PCDHGC5: variants seen among roughly 807,000 people sequenced by gnomAD.
PCDHGC5 encodes the protein protocadherin gamma-C5.
A neutral mutation model predicts 59.0 loss-of-function variants in PCDHGC5; 25 were observed. That is an observed-to-expected ratio of 0.42 (90% CI 0.31 to 0.59). The LOEUF (loss-of-function observed/expected upper bound fraction) is 0.59. Among genes scored for constraint, PCDHGC5 ranks in the 20% least tolerant of loss-of-function variants. The pLI is 0.13. For synonymous variants in PCDHGC5, 434 were observed against 505.5 expected (o/e 0.86, Z 1.90); for missense variants, 1,067 against 1,206.4 (o/e 0.88, Z 1.71).
intron 2 of PCDHGC5, among the ~76,000 whole-genome samples, chr5:141,501,279 A>T (rs1180397181): frequency 3.0e-5 from 4 of 135,444 alleles, no homozygotes. Context: ...AGTCTATGGG[A>T]TATTCCCTTA....
At chr5:141,510,402 G>A (rs2099880998) in intron 3 of PCDHGC5, among the ~76,000 whole-genome samples, 1 of 152,008 alleles carries the variant, frequency 6.6e-6, no homozygotes, top group African/African-American at 2.4e-5. Flanking sequence ...GCAAAGGCTA[G>A]GGGCATGTAA....
intron 2 of PCDHGC5, 105 bp downstream of exon 2, chr5:141,494,970 C>T (rs1352514628): frequency 1.9e-6 from 3 of 1,584,974 alleles, no homozygotes; most frequent in East Asian, 4.6e-5. Context: ...GATGGCTTCT[C>T]CCTCAGTTTG....
At position 141,493,356 on chromosome 5, in the gene PCDHGC5, C is replaced by A. The variant is rs1303319550; in HGVS notation, c.2461-1451C>A. Among the ~76,000 whole-genome samples, 1 of 152,182 alleles carries A rather than the reference C, an allele frequency of 6.6e-6. No individual in the cohort carries two copies. The highest frequency in any genetic ancestry group is 2.4e-5 in the African/African-American group (1 of 41,438). On this transcript the variant is annotated intron_variant, in intron 1 of 3. Transcript: ENST00000252087. This position sits in a 1 kb window ranked among gnomAD's most constrained non-coding sequence, Gnocchi z 4.3. ...ACTCCAGAATGTGTGCTTTTAATTT[C>A]TTGGCACTTGGAACTTTAAAAGCTT...
In PCDHGC5 at chr5:141,490,601, T is replaced by C. The variant is rs777393370; in HGVS notation, c.1361T>C (p.Phe454Ser). 1 of 1,614,176 alleles carries C rather than the reference T, an allele frequency of 6.2e-7. No homozygotes were observed. The highest frequency in any genetic ancestry group is 8.5e-7 in the Non-Finnish European group (1 of 1,180,030). ...GATGTCAATGACAATGCACCCCGCTTCAACCAGCAGCTTTACACTGCTTAC... is the reference window on the plus strand; with the variant it reads ...GATGTCAATGACAATGCACCCCGCTCCAACCAGCAGCTTTACACTGCTTAC... ...ISDVNDNAPR[F>S]NQQLYTAYIL... is the part of the protein sequence containing the mutation. The change falls in exon 1 of 4, where the codon TTC (phenylalanine) becomes TCC (serine). Residue 454 changes from phenylalanine to serine, a missense_variant. Phe to Ser is a radical substitution (Grantham distance 155). Transcript: ENST00000252087. This position sits in a 1 kb window ranked among gnomAD's most constrained non-coding sequence, Gnocchi z 5.4.
intron 2 of PCDHGC5, among the ~76,000 whole-genome samples, chr5:141,502,705 T>C (rs1475675789): frequency 6.6e-6 from 1 of 152,248 alleles, no homozygotes; most frequent in African/African-American, 2.4e-5. Context: ...TATCTGTTTT[T>C]ACATCAGTGA....
intron 2 of PCDHGC5, among the ~76,000 whole-genome samples, chr5:141,498,068 A>G (rs765582921): frequency 6.6e-6 from 1 of 152,244 alleles, no homozygotes; most frequent in Non-Finnish European, 1.5e-5. Context: ...TGAAACTGTC[A>G]TAAGTGCTAG....
chr5:141,499,888 A>G (rs574246186), intron 2 of PCDHGC5, among the ~76,000 whole-genome samples: 105 of 152,174 alleles, frequency 6.9e-4, no homozygotes, highest in African/African-American at 2.4e-3. Flanking sequence ...GGGTTTCGCC[A>G]TGTTGGCCAG....
At chr5:141,496,844 T>G (rs1275272674) in intron 2 of PCDHGC5, among the ~76,000 whole-genome samples, 2 of 150,852 alleles carry the variant, frequency 1.3e-5, no homozygotes, top group Non-Finnish European at 2.9e-5. Context: ...CTCATAGGCT[T>G]CCAGACCAGC....
intron 2 of PCDHGC5, among the ~76,000 whole-genome samples, chr5:141,500,194 T>G (rs994324188): frequency 2.1e-4 from 31 of 147,918 alleles, no homozygotes; most frequent in African/African-American, 7.7e-4. Context: ...TTTTATTTAT[T>G]TATTTATTTA....
In PCDHGC5 at chr5:141,489,223, C is replaced by T. The variant is rs771455540; in HGVS notation, c.-18C>T. The T allele has an allele frequency of 6.6e-7, 1 of 1,515,444 alleles. No homozygotes were observed. The highest frequency in any genetic ancestry group is 1.3e-5 in the South Asian group (1 of 75,776). 93.9% of individuals were successfully genotyped at this position (1,515,444 alleles called of 1,614,324 possible). A position where few individuals can be genotyped will look rare whatever the true frequency, so the allele number is the denominator to read the frequency against. The stretch of plus-strand genomic sequence containing the variant: ...CAGGACAGCACAGACTTACTCTCCA[C>T]AAAGGGACTTCTGGGTCATGGGGCC... On this transcript the variant is annotated 5_prime_UTR_variant, in exon 1 of 4. Coordinates refer to ENST00000252087, the MANE Select transcript of PCDHGC5 (RefSeq NM_018929.3). The surrounding 1 kb of genome is among the most constrained non-coding windows in gnomAD (Gnocchi z 4.5).
In PCDHGC5 at chr5:141,491,424, G is replaced by A. The variant is rs745755214; in HGVS notation, c.2184G>A (p.Gly728=). The A allele has an allele frequency of 6.2e-7, 1 of 1,614,092 alleles. No individual in the cohort carries two copies. Among genetic ancestry groups the A allele is most frequent in the Non-Finnish European group, 8.5e-7 (1 of 1,180,028 alleles). The part of the protein sequence containing the change: ...QGNADGDGGG[G]QCCRRQDSPS... ...ACGCAGACGGGGACGGGGGTGGAGG[G>A]CAGTGCTGCAGGCGCCAGGACTCAC... Residue 728 remains glycine, a synonymous_variant, in exon 1 of 4, where the codon GGG becomes GGA. Coordinates refer to ENST00000252087, the MANE Select transcript of PCDHGC5 (RefSeq NM_018929.3). The surrounding 1 kb of genome is among the most constrained non-coding windows in gnomAD (Gnocchi z 6.9).
At chr5:141,507,531 C>T (rs1467914007) in intron 3 of PCDHGC5, among the ~76,000 whole-genome samples, 3 of 151,964 alleles carry the variant, frequency 2.0e-5, no homozygotes, top group African/African-American at 7.2e-5. Flanking sequence ...CCAGAGAGGC[C>T]AGAGACTGAG....
chr5:141,501,013 C>A (rs1456343329), intron 2 of PCDHGC5, among the ~76,000 whole-genome samples: 6 of 151,970 alleles, frequency 3.9e-5, no homozygotes, highest in Non-Finnish European at 8.8e-5. Flanking sequence ...GGACTACAGG[C>A]ACGCGCCACC....
In PCDHGC5 at chr5:141,489,739, G is replaced by A; in HGVS notation, c.499G>A (p.Val167Met). The change falls in exon 1 of 4, where the codon GTG (valine) becomes ATG (methionine). Residue 167 changes from valine (V) to methionine (M), a missense_variant. Val to Met is a conservative substitution (Grantham distance 21). Transcript: ENST00000252087. The surrounding 1 kb of genome is among the most constrained non-coding windows in gnomAD (Gnocchi z 4.5). The part of the protein sequence containing the change: ...AQDPDVGTNT[V>M]SFYTLSPNSH... Reference sequence around the variant, plus strand: ...GGATCCGGATGTGGGCACCAATACTGTGAGCTTTTACACTCTAAGCCCCAA... The same window carrying A: ...GGATCCGGATGTGGGCACCAATACTATGAGCTTTTACACTCTAAGCCCCAA... 3 of 1,614,170 alleles carry A rather than the reference G, an allele frequency of 1.9e-6. No homozygotes were observed. The highest frequency in any genetic ancestry group is 2.2e-5 in the South Asian group (2 of 91,076).
rs565813908 is a variant in PCDHGC5 at position 141,503,968 on chromosome 5, G to A, written c.2520-1425G>A. Among the ~76,000 whole-genome samples, 14 of 152,182 alleles carry A rather than the reference G, an allele frequency of 9.2e-5. No homozygotes were observed. The South Asian group carries it at 2.7e-3, about 29-fold the overall frequency. ...GGCCTACCCTACAGCCTTTCCCATG[G>A]TGCCAAACCCTTCTTCTTACCTTAC... On this transcript the variant is annotated intron_variant, in intron 2 of 3. Transcript: ENST00000252087.
In PCDHGC5 at chr5:141,491,638, G is replaced by A. The variant is rs2099723160; in HGVS notation, c.2398G>A (p.Ala800Thr). The A allele has an allele frequency of 6.2e-7, 1 of 1,613,898 alleles. No individual in the cohort carries two copies. The highest frequency in any genetic ancestry group is 1.3e-5 in the African/African-American group (1 of 75,074). ...ACCCCTCAGCGTTCAGCAGCCCACA[G>A]CTCTGGCGCTGGAGCCTGACGCCAT... The part of the protein sequence containing the change: ...LRPLSVQQPT[A>T]LALEPDAIRS... Residue 800 changes from alanine to threonine, a missense_variant, in exon 1 of 4, where the codon GCT becomes ACT. Ala to Thr is a moderately conservative substitution (Grantham distance 58, BLOSUM62 0). Coordinates refer to ENST00000252087, the MANE Select transcript of PCDHGC5 (RefSeq NM_018929.3). The surrounding 1 kb of genome is among the most constrained non-coding windows in gnomAD (Gnocchi z 6.9).
At position 141,499,689 on chromosome 5, in the gene PCDHGC5, C is replaced by CTT. The variant is rs545067566; in HGVS notation, c.2519+4845_2519+4846dup. 4.8e-3 allele frequency among the ~76,000 whole-genome samples: 577 copies of CTT among 119,808 alleles called. 2 individuals carry two copies. Among genetic ancestry groups the CTT allele is most frequent in the Non-Finnish European group, 6.7e-3 (386 of 57,912 alleles). 78.6% of individuals were successfully genotyped at this position (119,808 alleles called of 152,430 possible). A position where few individuals can be genotyped will look rare whatever the true frequency, so the allele number is the denominator to read the frequency against. On this transcript the variant is annotated intron_variant, in intron 2 of 3. Coordinates refer to ENST00000252087, the MANE Select transcript of PCDHGC5 (RefSeq NM_018929.3). ...GGTCTCCACCATCTTTAACAGATGA[C>CTT]TTTTTTTTTTTTTTTTTTTTTTGGA...
In PCDHGC5 at chr5:141,498,823, C is replaced by A. The variant is rs540865523; in HGVS notation, c.2519+3958C>A. ...TGGTGCACACCTGTAGTCCCAGCTA[C>A]TCAGGAGGCTGAGGCAGGGGAATCG... On this transcript the variant is annotated intron_variant, in intron 2 of 3. Coordinates refer to ENST00000252087, the MANE Select transcript of PCDHGC5 (RefSeq NM_018929.3). Among the ~76,000 whole-genome samples the A allele has an allele frequency of 9.2e-5, 14 of 152,166 alleles. No homozygotes were observed. The East Asian group carries it at 1.5e-3, about 17-fold the overall frequency.
chr5:141,506,177 G>T (rs1024892091), intron 3 of PCDHGC5, among the ~76,000 whole-genome samples: 4 of 152,142 alleles, frequency 2.6e-5, no homozygotes, highest in African/African-American at 9.7e-5. Context: ...TAAGCTGGGC[G>T]TGGTGGCTCA....
Sources: allele counts gnomAD v4.1 joint callset (sites outside exome capture counted in the v4.1 genomes callset), GRCh38; gene constraint gnomAD v4.1.1; non-coding constraint Gnocchi (gnomAD v3.1); transcripts MANE v1.5; gene names NCBI Gene and HGNC (gene_info 2026-07-23, HGNC 2026-07-21).